GRIK2: variants seen among roughly 807,000 people sequenced by gnomAD.
The protein encoded by GRIK2 is glutamate ionotropic receptor kainate type subunit 2, also known as glutamate receptor ionotropic, kainate 2.
GRIK2 carries 32 observed loss-of-function variants against 100.3 expected under a neutral mutation model. That is an observed-to-expected ratio of 0.32 (90% CI 0.24 to 0.43). The LOEUF (loss-of-function observed/expected upper bound fraction) is 0.43, where lower values mean the gene tolerates loss of function less well. Ranked by LOEUF, GRIK2 falls within the 20% of genes least tolerant of loss-of-function variation. GRIK2 has a pLI of 1.00. For synonymous variants in GRIK2, 417 were observed against 389.4 expected, an observed-to-expected ratio of 1.07 and a Z score of -0.83; for missense variants, 843 against 1,114.9, an observed-to-expected ratio of 0.76 and a Z score of 3.47.
At chr6:101,687,145 G>T (rs925758609) in intron 7 of GRIK2, among the ~76,000 whole-genome samples, 8 of 151,852 alleles carry the variant, frequency 5.3e-5, no homozygotes, top group Non-Finnish European at 8.8e-5. Context: ...TTGAAAGATG[G>T]TATGTATTTG....
At chr6:101,641,922 A>G (rs949903471) in intron 4 of GRIK2, among the ~76,000 whole-genome samples, 5 of 151,914 alleles carry the variant, frequency 3.3e-5, no homozygotes, top group African/African-American at 1.2e-4. Flanking sequence ...TATGCAGGAC[A>G]AAGTTTACAT....
chr6:101,862,291 A>G (rs991484843), intron 11 of GRIK2, among the ~76,000 whole-genome samples: 1 of 152,176 alleles, frequency 6.6e-6, no homozygotes, highest in Non-Finnish European at 1.5e-5. Flanking sequence ...TAAAATACTC[A>G]TTATACCAGG....
chr6:101,512,390 A>G (rs979264430), intron 2 of GRIK2, among the ~76,000 whole-genome samples: 1 of 152,092 alleles, frequency 6.6e-6, no homozygotes, highest in African/African-American at 2.4e-5. Context: ...AGTTTGATTT[A>G]TTGATTTTAA....
intron 2 of GRIK2, among the ~76,000 whole-genome samples, chr6:101,615,979 A>G (rs1376555219): frequency 2.0e-5 from 3 of 151,802 alleles, no homozygotes; most frequent in Non-Finnish European, 4.4e-5. Context: ...CCATCTTCAC[A>G]TCTGCAGATT....
intron 16 of GRIK2, among the ~76,000 whole-genome samples, chr6:102,062,780 C>T (rs933539068): frequency 1.3e-5 from 2 of 150,468 alleles, no homozygotes; most frequent in Non-Finnish European, 3.0e-5. Flanking sequence ...CCAATCAAAA[C>T]AGTTATATTC....
chr6:101,552,120 A>G (rs1166926283), intron 2 of GRIK2, among the ~76,000 whole-genome samples: 1 of 152,104 alleles, frequency 6.6e-6, no homozygotes, highest in East Asian at 1.9e-4. Context: ...AAGAATATCT[A>G]CTTGTACTTT....
At chr6:101,542,313 ATAAC>A (rs978610527) in intron 2 of GRIK2, among the ~76,000 whole-genome samples, 2 of 152,094 alleles carry the variant, frequency 1.3e-5, no homozygotes, top group Admixed American at 6.6e-5. Context: ...AAATCAGAAA[ATAAC>A]TATCTTAAAA....
chr6:102,058,421 T>C (rs1401016592), intron 16 of GRIK2, among the ~76,000 whole-genome samples: 1 of 150,578 alleles, frequency 6.6e-6, no homozygotes. Flanking sequence ...TGCAGTAACT[T>C]TTTAAGAAAA....
At chr6:101,630,606 G>C (rs548921733) in intron 4 of GRIK2, among the ~76,000 whole-genome samples, 7 of 152,114 alleles carry the variant, frequency 4.6e-5, no homozygotes, top group African/African-American at 1.7e-4. Flanking sequence ...TATAGGTTCT[G>C]GGTATTAGAC....
intron 7 of GRIK2, among the ~76,000 whole-genome samples, chr6:101,776,743 A>G (rs1778771734): frequency 1.3e-5 from 2 of 152,226 alleles, no homozygotes; most frequent in East Asian, 3.9e-4. Flanking sequence ...ATTTTTTGGC[A>G]TTCTGAGTTC....
At chr6:101,404,627 CA>C (rs1775502034) in intron 2 of GRIK2, among the ~76,000 whole-genome samples, 1 of 152,170 alleles carries the variant, frequency 6.6e-6, no homozygotes, top group African/African-American at 2.4e-5. Context: ...TAATCTACTG[CA>C]TGCTTAATAC....
intron 2 of GRIK2, among the ~76,000 whole-genome samples, chr6:101,404,877 T>C (rs1775514484): frequency 1.3e-5 from 2 of 152,228 alleles, no homozygotes; most frequent in South Asian, 2.1e-4. Context: ...ATCATCATTA[T>C]TGACTAGTCT....
At chr6:101,871,408 G>A in intron 11 of GRIK2, among the ~76,000 whole-genome samples, 1 of 151,610 alleles carries the variant, frequency 6.6e-6, no homozygotes, top group Non-Finnish European at 1.5e-5. Flanking sequence ...AAATTCAGGG[G>A]TTACATGTGC....
intron 4 of GRIK2, among the ~76,000 whole-genome samples, chr6:101,647,574 T>A (rs1302331118): frequency 6.6e-6 from 1 of 151,988 alleles, no homozygotes; most frequent in African/African-American, 2.4e-5. Flanking sequence ...TGGTATATAG[T>A]GTCTCCAGTT....
chr6:101,980,320 CTTGAG>C (rs2128489050), intron 14 of GRIK2, among the ~76,000 whole-genome samples: 1 of 152,050 alleles, frequency 6.6e-6, no homozygotes, highest in East Asian at 1.9e-4. Flanking sequence ...AACTGCTTTT[CTTGAG>C]TCTGAGAGAA....
chr6:101,633,098 AG>A (rs1164991900), intron 4 of GRIK2, among the ~76,000 whole-genome samples: 1 of 152,102 alleles, frequency 6.6e-6, no homozygotes, highest in Non-Finnish European at 1.5e-5. Context: ...TTTTATAAAA[AG>A]CTAGCGTAGG....
At chr6:101,944,855 A>T (rs1791179452) in intron 14 of GRIK2, among the ~76,000 whole-genome samples, 1 of 152,094 alleles carries the variant, frequency 6.6e-6, no homozygotes, top group Non-Finnish European at 1.5e-5. Flanking sequence ...AACTACATGT[A>T]AAATTTAAAA....
intron 6 of GRIK2, 70 bp downstream of exon 6, chr6:101,682,676 T>C: frequency 2.8e-6 from 2 of 726,666 alleles, no homozygotes; most frequent in Non-Finnish European, 2.4e-6. Context: ...AAAATAGGTT[T>C]TTTAGTAAGA....
At chr6:101,428,004 G>C (rs1329612960) in intron 2 of GRIK2, among the ~76,000 whole-genome samples, 1 of 152,106 alleles carries the variant, frequency 6.6e-6, no homozygotes, top group Non-Finnish European at 1.5e-5. Context: ...AGTAGTTCTG[G>C]AGTCATCTTT....
Sources: allele counts gnomAD v4.1 joint callset (sites outside exome capture counted in the v4.1 genomes callset), GRCh38; gene constraint gnomAD v4.1.1; transcripts MANE v1.5; gene names NCBI Gene and HGNC (gene_info 2026-07-23, HGNC 2026-07-21).